The following PDE1C variants were observed in gnomAD, a reference collection of about 807,000 sequenced individuals.
PDE1C encodes phosphodiesterase 1C.
A neutral mutation model predicts 93.1 loss-of-function variants in PDE1C; 62 were observed. The ratio of observed to expected loss-of-function variants is 0.67; its 90% confidence interval spans 0.54 to 0.82. PDE1C has a LOEUF of 0.82. PDE1C is among the 40% of genes least tolerant of loss of function. PDE1C has a pLI of 0.00. For synonymous variants in PDE1C, 325 were observed against 310.1 expected, an observed-to-expected ratio of 1.05 and a Z score of -0.50; for missense variants, 742 against 884.6, an observed-to-expected ratio of 0.84 and a Z score of 2.04.
intron 1 of PDE1C, among the ~76,000 whole-genome samples, chr7:32,059,102 T>G (rs1008671753): frequency 2.0e-5 from 3 of 152,328 alleles, no homozygotes; most frequent in Middle Eastern, 6.8e-3. Flanking sequence ...CATACTGTCA[T>G]TGAATTATCT....
At chr7:32,166,156 G>A (rs1802255962) in intron 3 of PDE1C, among the ~76,000 whole-genome samples, 1 of 151,876 alleles carries the variant, frequency 6.6e-6, no homozygotes, top group Non-Finnish European at 1.5e-5. Flanking sequence ...ATTTTACATT[G>A]TAAAATTTTA....
intron 1 of PDE1C, among the ~76,000 whole-genome samples, chr7:32,348,240 T>C (rs1485319087): frequency 1.3e-5 from 2 of 151,798 alleles, no homozygotes; most frequent in Non-Finnish European, 2.9e-5. Context: ...GAAAGGTATG[T>C]AAAGGAGACT....
chr7:32,007,169 G>A (rs2128575848), intron 2 of PDE1C, among the ~76,000 whole-genome samples: 1 of 152,270 alleles, frequency 6.6e-6, no homozygotes, highest in East Asian at 1.9e-4. Context: ...GACCCAAATA[G>A]ATCTTAAAGA....
rs1217582860 is a variant in PDE1C, at chr7:32,197,919, T to G, written c.136+11570A>C. The stretch of plus-strand genomic sequence containing the variant: ...ACTCCATAAATATATGAAAAATCAT[T>G]GAATTATGCCCTTTAAATGGGTAAG... On this transcript the variant is annotated intron_variant, in intron 2 of 18. Transcript: ENST00000396193. 2.0e-5 allele frequency among the ~76,000 whole-genome samples: 3 copies of G among 152,232 alleles called. No individual in the cohort carries two copies. In the East Asian group the frequency reaches 5.8e-4, roughly 29 times the overall value.
chr7:32,337,312 T>C (rs1219781442), intron 1 of PDE1C, among the ~76,000 whole-genome samples: 2 of 152,144 alleles, frequency 1.3e-5, no homozygotes, highest in African/African-American at 4.8e-5. Context: ...GGTGATAGTG[T>C]AGCCAGGAAG....
intron 3 of PDE1C, among the ~76,000 whole-genome samples, chr7:32,106,109 T>C (rs1798296483): frequency 6.6e-6 from 1 of 152,226 alleles, no homozygotes; most frequent in Non-Finnish European, 1.5e-5. Flanking sequence ...CCTCCTGGGC[T>C]CAAACGATCC....
intron 1 of PDE1C, among the ~76,000 whole-genome samples, chr7:32,063,916 G>A (rs1219099242): frequency 2.0e-5 from 3 of 152,070 alleles, no homozygotes; most frequent in Non-Finnish European, 2.9e-5. Context: ...TTTCCTGATG[G>A]TAAGGATTTT....
chr7:32,304,465 T>G (rs906904331), intron 1 of PDE1C, among the ~76,000 whole-genome samples: 3 of 152,146 alleles, frequency 2.0e-5, no homozygotes, highest in Admixed American at 6.5e-5. Context: ...AGCCATTCCC[T>G]CTCTCCACTC....
intron 1 of PDE1C, among the ~76,000 whole-genome samples, chr7:32,281,504 G>A (rs1811626392): frequency 6.6e-6 from 1 of 152,124 alleles, no homozygotes; most frequent in South Asian, 2.1e-4. Flanking sequence ...AGGATCACTT[G>A]AGCCCAGGAG....
At chr7:32,185,200 G>A (rs1012795565) in intron 2 of PDE1C, among the ~76,000 whole-genome samples, 4 of 143,412 alleles carry the variant, frequency 2.8e-5, no homozygotes, top group Non-Finnish European at 6.0e-5. Flanking sequence ...AGCTGAGATA[G>A]TGCCATTGCA....
At chr7:32,400,150 C>T (rs190337355) in intron 1 of PDE1C, among the ~76,000 whole-genome samples, 2 of 152,200 alleles carry the variant, frequency 1.3e-5, no homozygotes, top group East Asian at 3.9e-4. Context: ...GTATTCACAC[C>T]GTATTATTAT....
intron 3 of PDE1C, among the ~76,000 whole-genome samples, chr7:32,101,430 T>C (rs548907739): frequency 2.6e-5 from 4 of 152,306 alleles, no homozygotes; most frequent in South Asian, 2.1e-4. Context: ...ATCTCCAATG[T>C]TGGAAGTGGG....
chr7:32,380,112 T>G (rs988103394), intron 1 of PDE1C, among the ~76,000 whole-genome samples: 1 of 152,246 alleles, frequency 6.6e-6, no homozygotes, highest in Non-Finnish European at 1.5e-5. Flanking sequence ...AACCCACGCT[T>G]GTTTTCCCAC....
intron 2 of PDE1C, among the ~76,000 whole-genome samples, chr7:32,208,712 TC>T (rs1255367879): frequency 4.6e-5 from 7 of 151,302 alleles, no homozygotes; most frequent in East Asian, 1.9e-4. Context: ...TCTAGTATTT[TC>T]CCCCCCCTTC....
chr7:32,221,540 T>C (rs998221993), intron 1 of PDE1C, among the ~76,000 whole-genome samples: 17 of 152,302 alleles, frequency 1.1e-4, no homozygotes, highest in Non-Finnish European at 2.2e-4. Context: ...CCTGAGAGTC[T>C]GCATTTCGAA....
chr7:31,850,518 CATT>C (rs1439963162), intron 8 of PDE1C, 120 bp downstream of exon 8: 15 of 693,762 alleles, frequency 2.2e-5, no homozygotes, highest in Non-Finnish European at 3.7e-5. Context: ...TTTAGAGGTT[CATT>C]GTTTCAGAAA....
the PDE1C span, among the ~76,000 whole-genome samples, chr7:31,623,682 T>G: frequency 9.9e-6 from 1 of 101,428 alleles, no homozygotes; most frequent in Non-Finnish European, 2.1e-5. Flanking sequence ...GCATTCCCTT[T>G]GAAAACTGGC....
chr7:31,620,201 A>G, the PDE1C span, among the ~76,000 whole-genome samples: 6 of 152,132 alleles, frequency 3.9e-5, no homozygotes, highest in African/African-American at 1.4e-4. Flanking sequence ...ACAAAAAGAC[A>G]GCAGTAACCT....
chr7:32,226,329 A>G lies in PDE1C; in HGVS notation c.86-16790T>C, dbSNP rs11980763. Reference sequence around the variant, plus strand: ...GAAGAAACTAAATGAACTAACATAAACTATAAGGAGATGAGGGCCTCAAAG... The same window carrying G: ...GAAGAAACTAAATGAACTAACATAAGCTATAAGGAGATGAGGGCCTCAAAG... On this transcript the variant is annotated intron_variant, in intron 1 of 18. Transcript: ENST00000396193. Among the ~76,000 whole-genome samples the G allele has an allele frequency of 4.0e-3, 605 of 152,212 alleles. 5 individuals are homozygous for G. The highest frequency in any genetic ancestry group is 0.014 in the African/African-American group (574 of 41,508).
Sources: gnomAD v4.1 joint callset for allele counts (sites outside exome capture counted in the v4.1 genomes callset) on GRCh38, gnomAD v4.1.1 for gene constraint, MANE v1.5 for transcripts, NCBI Gene and HGNC (gene_info 2026-07-23, HGNC 2026-07-21) for gene names.